The following CNTNAP5 variants were observed in gnomAD, a reference collection of about 807,000 sequenced individuals.
The protein encoded by CNTNAP5 is contactin-associated protein-like 5.
Under a neutral mutation model 150.2 loss-of-function variants are expected in CNTNAP5, and 72 were observed. That is an observed-to-expected ratio of 0.48 (90% CI 0.40 to 0.58). The LOEUF (loss-of-function observed/expected upper bound fraction) is 0.58, where lower values mean the gene tolerates loss of function less well. Ranked by LOEUF, CNTNAP5 falls within the 20% of genes least tolerant of loss-of-function variation. The pLI, the probability that CNTNAP5 is intolerant of heterozygous loss-of-function variation, is 0.00. For synonymous variants in CNTNAP5, 672 were observed against 619.8 expected (o/e 1.08, Z -1.25); for missense variants, 1,636 against 1,626.2 (o/e 1.01, Z -0.10).
intron 3 of CNTNAP5, among the ~76,000 whole-genome samples, chr2:124,311,483 A>G (rs1167666785): frequency 1.3e-5 from 2 of 152,106 alleles, no homozygotes; most frequent in Non-Finnish European, 2.9e-5. Flanking sequence ...AGAAGGAAAG[A>G]AAGATTTTTT....
intron 18 of CNTNAP5, among the ~76,000 whole-genome samples, chr2:124,791,871 G>A (rs542692105): frequency 4.0e-5 from 6 of 151,820 alleles, no homozygotes; most frequent in Non-Finnish European, 7.4e-5. Context: ...CATATGCTTC[G>A]TATTTTACTA....
chr2:124,731,045 C>T (rs1275397150), intron 13 of CNTNAP5, among the ~76,000 whole-genome samples: 1 of 152,112 alleles, frequency 6.6e-6, no homozygotes, highest in Non-Finnish European at 1.5e-5. Context: ...GTTGCTGCCT[C>T]GTGCCGTTTC....
chr2:124,721,514 T>TAAATAAATAAATAAATAAATA (rs778612928), intron 13 of CNTNAP5, among the ~76,000 whole-genome samples: 2,006 of 148,694 alleles, frequency 0.013, 57 homozygotes, highest in African/African-American at 0.049. Context: ...AATAAATACA[T>TAAATAAATAAATAAATAAATA]AAATAAATAT....
rs777689162 is a variant in CNTNAP5 at position 124,527,239 on chromosome 2, C to T, written c.1478-46C>T. The T allele has an allele frequency of 1.6e-4, 254 of 1,559,200 alleles. 2 individuals are homozygous for T. In the Admixed American group the frequency reaches 3.6e-3, roughly 22 times the overall value. ...CATCAATAGGTCGCCAAAGCAATGA[C>T]GGATCATTTCAGCATTCTTCTTCAT... On this transcript the variant is annotated intron_variant, in intron 9 of 23. Coordinates refer to ENST00000682447, the MANE Select transcript of CNTNAP5 (RefSeq NM_001367498.1).
chr2:124,082,907 C>A lies in CNTNAP5; in HGVS notation c.82+57175C>A, dbSNP rs1054811684. On this transcript the variant is annotated intron_variant, in intron 1 of 23. Coordinates refer to ENST00000682447, the MANE Select transcript of CNTNAP5 (RefSeq NM_001367498.1). ...TCTACTGGCTGATGGTGTTGGACAT[C>A]TTTAATGTGTTTATTTGCCATCTGA... Among the ~76,000 whole-genome samples the A allele has an allele frequency of 1.2e-4, 18 of 152,248 alleles. No individual in the cohort carries two copies. The East Asian group carries it at 3.5e-3, about 29-fold the overall frequency.
At chr2:124,212,368 G>T (rs1018975144) in intron 1 of CNTNAP5, among the ~76,000 whole-genome samples, 2 of 152,190 alleles carry the variant, frequency 1.3e-5, no homozygotes, top group African/African-American at 2.4e-5. Flanking sequence ...GAGGGAAAAG[G>T]GGTTTATAGA....
chr2:124,485,855 G>A (rs1303823680), intron 7 of CNTNAP5, among the ~76,000 whole-genome samples: 1 of 151,972 alleles, frequency 6.6e-6, no homozygotes, highest in African/African-American at 2.4e-5. Flanking sequence ...GCCCTCTAGT[G>A]CCCCTTATGG....
chr2:124,336,270 A>G (rs888035419), intron 3 of CNTNAP5, among the ~76,000 whole-genome samples: 18 of 151,798 alleles, frequency 1.2e-4, no homozygotes, highest in African/African-American at 4.1e-4. Context: ...AAGGGGTCCA[A>G]TTTTTGGGTC....
chr2:124,401,732 T>C (rs1691430748), intron 3 of CNTNAP5, among the ~76,000 whole-genome samples: 1 of 152,200 alleles, frequency 6.6e-6, no homozygotes, highest in Non-Finnish European at 1.5e-5. Context: ...GCAAGGACAT[T>C]TGTTCATCAA....
intron 6 of CNTNAP5, among the ~76,000 whole-genome samples, chr2:124,469,895 G>T (rs1337738382): frequency 6.6e-6 from 1 of 152,106 alleles, no homozygotes; most frequent in Non-Finnish European, 1.5e-5. Flanking sequence ...TTCCTGCAAA[G>T]GACATGATCT....
chr2:124,162,319 A>G (rs1190901374), intron 1 of CNTNAP5, among the ~76,000 whole-genome samples: 1 of 152,184 alleles, frequency 6.6e-6, no homozygotes, highest in Non-Finnish European at 1.5e-5. Context: ...GATTATTTAT[A>G]GGTATTACTT....
intron 1 of CNTNAP5, among the ~76,000 whole-genome samples, chr2:124,164,521 A>G (rs1371155006): frequency 6.6e-6 from 1 of 152,208 alleles, no homozygotes; most frequent in Non-Finnish European, 1.5e-5. Flanking sequence ...TGAGGAAGTG[A>G]CATTTGAACA....
At chr2:124,080,422 T>C (rs1682533605) in intron 1 of CNTNAP5, among the ~76,000 whole-genome samples, 1 of 152,198 alleles carries the variant, frequency 6.6e-6, no homozygotes, top group African/African-American at 2.4e-5. Context: ...AAGACAGGAT[T>C]ATTATACCTT....
chr2:124,363,800 C>T (rs1690287262), intron 3 of CNTNAP5, among the ~76,000 whole-genome samples: 1 of 152,168 alleles, frequency 6.6e-6, no homozygotes, highest in Non-Finnish European at 1.5e-5. Flanking sequence ...TAGATGTACG[C>T]ATATGTCCAA....
chr2:124,600,586 G>C (rs910374363), intron 11 of CNTNAP5, among the ~76,000 whole-genome samples: 5 of 152,104 alleles, frequency 3.3e-5, no homozygotes, highest in African/African-American at 1.2e-4. Context: ...ATGCTGACCA[G>C]AGCTATGCAA....
intron 1 of CNTNAP5, among the ~76,000 whole-genome samples, chr2:124,088,907 A>G (rs777584949): frequency 1.3e-5 from 2 of 152,230 alleles, no homozygotes; most frequent in African/African-American, 2.4e-5. Flanking sequence ...TAGAGCCACA[A>G]TATTTTCTGG....
chr2:124,365,729 C>A (rs534901650), intron 3 of CNTNAP5, among the ~76,000 whole-genome samples: 2 of 152,272 alleles, frequency 1.3e-5, no homozygotes, highest in East Asian at 3.9e-4. Context: ...TAATATGAGA[C>A]TGACAATTAA....
chr2:124,900,399 T>C (rs1678392412), intron 21 of CNTNAP5, among the ~76,000 whole-genome samples: 1 of 151,528 alleles, frequency 6.6e-6, no homozygotes. Flanking sequence ...TGAGAAATCA[T>C]GATCTCGAGC....
In CNTNAP5 at chr2:124,397,251, A is replaced by G. The variant is rs116066929; in HGVS notation, c.382-20192A>G. 5.8e-3 allele frequency among the ~76,000 whole-genome samples: 890 copies of G among 152,328 alleles called. 2 individuals are homozygous for G. Among genetic ancestry groups the G allele is most frequent in the Middle Eastern group, 0.02 (6 of 294 alleles). On this transcript the variant is annotated intron_variant, in intron 3 of 23. Coordinates refer to ENST00000682447, the MANE Select transcript of CNTNAP5 (RefSeq NM_001367498.1). ...AAGTTCTAGCTGCTATAACAAATGT[A>G]CAATAGACTTAAACAACAGAAATTT...
Sources: gnomAD v4.1 joint callset for allele counts (sites outside exome capture counted in the v4.1 genomes callset) on GRCh38, gnomAD v4.1.1 for gene constraint, MANE v1.5 for transcripts, NCBI Gene and HGNC (gene_info 2026-07-23, HGNC 2026-07-21) for gene names.